APBB2: variants seen among roughly 807,000 people sequenced by gnomAD.
The protein encoded by APBB2 is amyloid beta precursor protein binding family B member 2, also known as Fe65-like 1.
In APBB2, 38 loss-of-function variants were observed where a neutral mutation model predicts 82.5. The ratio of observed to expected loss-of-function variants is 0.46; its 90% CI spans 0.36 to 0.60. The LOEUF (loss-of-function observed/expected upper bound fraction) is 0.60. Among genes scored for constraint, APBB2 ranks in the 20% least tolerant of loss-of-function variants. APBB2 has a pLI of 0.00. For missense variants in APBB2, 772 were observed against 972.3 expected (o/e 0.79, Z 2.74); for synonymous variants, 341 against 368.2 (o/e 0.93, Z 0.85).
At chr4:41,032,778 CTTTTTTTTTTT>C (rs11421268) in intron 5 of APBB2, among the ~76,000 whole-genome samples, 3 of 84,320 alleles carry the variant, frequency 3.6e-5, no homozygotes, top group East Asian at 7.8e-4. Flanking sequence ...ATTTTTCTTT[CTTTTTTTTTTT>C]TTTTTTTTTT....
At chr4:41,049,237 G>A (rs574843809) in intron 4 of APBB2, among the ~76,000 whole-genome samples, 6 of 132,370 alleles carry the variant, frequency 4.5e-5, no homozygotes, top group African/African-American at 1.8e-4. Flanking sequence ...GCCCAGCCGC[G>A]ACCCCGTCTG....
intron 6 of APBB2, among the ~76,000 whole-genome samples, chr4:40,998,817 T>C (rs916064371): frequency 6.6e-6 from 1 of 152,096 alleles, no homozygotes; most frequent in Non-Finnish European, 1.5e-5. Context: ...CTACAACAGC[T>C]GATCTGGAAA....
intron 6 of APBB2, among the ~76,000 whole-genome samples, chr4:40,971,704 G>T (rs1186911971): frequency 6.6e-6 from 1 of 152,120 alleles, no homozygotes; most frequent in East Asian, 1.9e-4. Flanking sequence ...ACTAGAAAAT[G>T]TTTCAAAAGT....
chr4:41,151,778 T>A (rs981193412), intron 1 of APBB2, among the ~76,000 whole-genome samples: 1 of 152,042 alleles, frequency 6.6e-6, no homozygotes, highest in Non-Finnish European at 1.5e-5. Context: ...GTCTTCTTTT[T>A]TTTTTTTAAG....
At chr4:40,963,088 A>G (rs1248373146) in intron 6 of APBB2, among the ~76,000 whole-genome samples, 1 of 152,124 alleles carries the variant, frequency 6.6e-6, no homozygotes, top group Non-Finnish European at 1.5e-5. Context: ...ATCTTGATTT[A>G]TACCAGGTTT....
At chr4:40,861,466 G>A (rs904601070) in intron 12 of APBB2, among the ~76,000 whole-genome samples, 3 of 152,210 alleles carry the variant, frequency 2.0e-5, no homozygotes, top group Non-Finnish European at 4.4e-5. Context: ...GTTTGAGGCT[G>A]CAGAGAGCTA....
intron 12 of APBB2, among the ~76,000 whole-genome samples, chr4:40,840,456 G>A (rs187881148): frequency 1.3e-5 from 2 of 152,168 alleles, no homozygotes; most frequent in African/African-American, 4.8e-5. Context: ...GGCCAATCCA[G>A]AATGACCCCC....
In APBB2 at chr4:41,213,750, T is replaced by A. The variant is rs116546399; in HGVS notation, c.-417+655A>T. Among the ~76,000 whole-genome samples the A allele has an allele frequency of 5.7e-3, 875 of 152,218 alleles. 7 individuals carry two copies. Among genetic ancestry groups the A allele is most frequent in the Non-Finnish European group, 7.6e-3 (515 of 68,000 alleles). Reference sequence around the variant, plus strand: ...CCAGTGGCCAGTTTCCTGGAGTCGGTCCCCTATGCACAGCCATTTTCTAGT... The same window carrying A: ...CCAGTGGCCAGTTTCCTGGAGTCGGACCCCTATGCACAGCCATTTTCTAGT... On this transcript the variant is annotated intron_variant, in intron 1 of 17. Coordinates refer to ENST00000508593, the MANE Select transcript of APBB2 (RefSeq NM_004307.2).
intron 5 of APBB2, among the ~76,000 whole-genome samples, chr4:41,018,901 T>C (rs1191210023): frequency 1.3e-5 from 2 of 152,104 alleles, no homozygotes; most frequent in African/African-American, 4.8e-5. Context: ...GAGGACAAGG[T>C]AGTCACAAGA....
rs1432366308 is a variant in APBB2 at position 40,812,310 on chromosome 4, C to A, written c.*3782G>T. ...AGATAAATGAGCCGAACGTTTTATG[C>A]AGCTAAATTTATTCTCACAACAAAT... On this transcript the variant is annotated 3_prime_UTR_variant, in exon 18 of 18. Coordinates refer to ENST00000508593, the MANE Select transcript of APBB2 (RefSeq NM_004307.2). 1 of 152,122 alleles carries A rather than the reference C, an allele frequency of 6.6e-6. No homozygotes were observed. 9.4% of individuals were successfully genotyped at this position (152,122 alleles called of 1,614,324 possible).
At chr4:40,935,431 A>G in intron 7 of APBB2, 1 of 370,886 alleles carries the variant, frequency 2.7e-6, no homozygotes, top group East Asian at 5.1e-5. Context: ...TTAAAAGCAA[A>G]CAATATAATT....
intron 12 of APBB2, among the ~76,000 whole-genome samples, chr4:40,838,944 A>AGAGTATCCCTCTGTCACCCTGGCT: frequency 1.3e-5 from 2 of 152,076 alleles, no homozygotes; most frequent in African/African-American, 4.8e-5. Flanking sequence ...CTTTCACAGC[A>AGAGTATCCCTCTGTCACCCTGGCT]GCACCAGCAG....
chr4:41,001,604 G>A (rs575321115), intron 6 of APBB2, among the ~76,000 whole-genome samples: 24 of 152,304 alleles, frequency 1.6e-4, no homozygotes, highest in African/African-American at 4.6e-4. Context: ...CAGGCTGGGC[G>A]TGGTGGCTCA....
chr4:40,890,643 A>T (rs1438029338), intron 11 of APBB2, 152 bp from the exon 12 acceptor site: 67 of 1,049,456 alleles, frequency 6.4e-5, no homozygotes, highest in Non-Finnish European at 8.5e-5. Context: ...TTTCTGGACA[A>T]GAATATTGAT....
chr4:40,842,628 A>G (rs1003841424), intron 12 of APBB2: 1 of 205,838 alleles, frequency 4.9e-6, no homozygotes, highest in Non-Finnish European at 1.0e-5. Flanking sequence ...CAACATATCA[A>G]CTGGGGGAGG....
chr4:40,859,743 G>T (rs1280166831), intron 12 of APBB2, among the ~76,000 whole-genome samples: 2 of 152,144 alleles, frequency 1.3e-5, no homozygotes, highest in Non-Finnish European at 2.9e-5. Flanking sequence ...CTGGGATCAG[G>T]TCCCTGCTTC....
chr4:40,963,717 A>C (rs1793897255), intron 6 of APBB2, among the ~76,000 whole-genome samples: 1 of 152,268 alleles, frequency 6.6e-6, no homozygotes, highest in Non-Finnish European at 1.5e-5. Context: ...TGCTGACAAA[A>C]ATACTGACAA....
chr4:40,835,103 C>T (rs558986294), intron 12 of APBB2, among the ~76,000 whole-genome samples: 91 of 152,032 alleles, frequency 6.0e-4, no homozygotes, highest in African/African-American at 2.1e-3. Context: ...CGTGAAACCC[C>T]GTCTCTACTA....
At chr4:41,084,252 C>G (rs1315628970) in intron 3 of APBB2, among the ~76,000 whole-genome samples, 1 of 152,080 alleles carries the variant, frequency 6.6e-6, no homozygotes, top group African/African-American at 2.4e-5. Context: ...TGAAGAAACC[C>G]TGTTTCTACT....
Sources: allele counts gnomAD v4.1 joint callset (sites outside exome capture counted in the v4.1 genomes callset), GRCh38; gene constraint gnomAD v4.1.1; transcripts MANE v1.5; gene names NCBI Gene and HGNC (gene_info 2026-07-23, HGNC 2026-07-21).